Variants in TBC1D2B observed in about 807,000 individuals in gnomAD.
The protein encoded by TBC1D2B is TBC1 domain family, member 2B.
A neutral mutation model predicts 100.8 loss-of-function variants in TBC1D2B; 64 were observed. The ratio of observed to expected loss-of-function variants is 0.64; its 90% CI spans 0.52 to 0.78. The LOEUF (loss-of-function observed/expected upper bound fraction) is 0.78, where lower values mean the gene tolerates loss of function less well. Among genes scored for constraint, TBC1D2B ranks in the 30% least tolerant of loss-of-function variants. The pLI is 0.00. For synonymous variants in TBC1D2B, 480 were observed against 479.7 expected, an observed-to-expected ratio of 1.00 and a Z score of -0.01; for missense variants, 1,052 against 1,218.4, an observed-to-expected ratio of 0.86 and a Z score of 2.03.
At chr15:78,050,883 A>T (rs2073299662) in intron 2 of TBC1D2B, among the ~76,000 whole-genome samples, 1 of 152,152 alleles carries the variant, frequency 6.6e-6, no homozygotes, top group South Asian at 2.1e-4. Context: ...TTACTTATAG[A>T]CCTTGGTTTT....
chr15:78,061,362 G>A (rs777927095), intron 1 of TBC1D2B, among the ~76,000 whole-genome samples: 3 of 151,698 alleles, frequency 2.0e-5, no homozygotes, highest in African/African-American at 4.8e-5. Flanking sequence ...CGCTTGAACC[G>A]AGGAGTTCAA....
At chr15:78,021,670 A>G (rs1210791759) in intron 6 of TBC1D2B, among the ~76,000 whole-genome samples, 1 of 152,236 alleles carries the variant, frequency 6.6e-6, no homozygotes, top group African/African-American at 2.4e-5. Context: ...TTGCCTCTTC[A>G]TCGTCTGTCG....
chr15:78,073,705 C>CT (rs1326215332), intron 1 of TBC1D2B, among the ~76,000 whole-genome samples: 1 of 152,124 alleles, frequency 6.6e-6, no homozygotes, highest in Non-Finnish European at 1.5e-5. Context: ...GGTGCGGTGG[C>CT]TCATATCTGT....
chr15:78,065,988 C>G (rs185047113), intron 1 of TBC1D2B: 20 of 470,974 alleles, frequency 4.2e-5, no homozygotes, highest in Admixed American at 1.4e-4. Flanking sequence ...TTACCCACTT[C>G]TCTCTGGTGA....
chr15:78,025,443 T>A lies in TBC1D2B; in HGVS notation c.902A>T (p.Lys301Met), dbSNP rs1206157906. The A allele has an allele frequency of 6.2e-7, 1 of 1,613,844 alleles. No homozygotes were observed. Among genetic ancestry groups the A allele is most frequent in the Non-Finnish European group, 8.5e-7 (1 of 1,179,892 alleles). Residue 301 changes from lysine to methionine, a missense_variant, in exon 5 of 13, where the codon AAG becomes ATG. Lys to Met is a moderately conservative substitution (Grantham distance 95). Transcript: ENST00000300584. Reference sequence around the variant, plus strand: ...CCCAATTATGTCTTTCAAAGGGCGCTTTCCTTTGTAGGGGTTACGTCCAAA... The same window carrying A: ...CCCAATTATGTCTTTCAAAGGGCGCATTCCTTTGTAGGGGTTACGTCCAAA... ...FDFGRNPYKG[K>M]RPLKDIIGSY...
intron 3 of TBC1D2B, among the ~76,000 whole-genome samples, chr15:78,030,567 C>T (rs1207349617): frequency 6.6e-6 from 1 of 152,054 alleles, no homozygotes; most frequent in African/African-American, 2.4e-5. Flanking sequence ...ACCTCGGCCT[C>T]CCAAAGTGCT....
intron 3 of TBC1D2B, among the ~76,000 whole-genome samples, chr15:78,044,092 C>G (rs549539836): frequency 6.6e-6 from 1 of 150,514 alleles, no homozygotes; most frequent in South Asian, 2.1e-4. Context: ...GAGTTGCCTA[C>G]GGCTGAGGGT....
At chr15:78,028,520 C>T (rs918690159) in intron 4 of TBC1D2B, among the ~76,000 whole-genome samples, 5 of 152,162 alleles carry the variant, frequency 3.3e-5, no homozygotes. Flanking sequence ...TTAAAAGCAT[C>T]AGGCAAAAAG....
chr15:77,999,118 G>A (rs895094736), intron 12 of TBC1D2B: 16 of 350,192 alleles, frequency 4.6e-5, no homozygotes, highest in Non-Finnish European at 4.6e-5. Flanking sequence ...CCAGTTCCTA[G>A]GGCCACCTTC....
chr15:78,040,855 G>GAAGAAAGGAAGAAAGAAAGA (rs1567026171), intron 3 of TBC1D2B, among the ~76,000 whole-genome samples: 2 of 74,740 alleles, frequency 2.7e-5, no homozygotes, highest in African/African-American at 4.5e-5. Flanking sequence ...AGAAAGAAAG[G>GAAGAAAGGAAGAAAGAAAGA]AAGAAAGAAA....
At chr15:78,048,863 G>C (rs2073253916) in intron 2 of TBC1D2B, among the ~76,000 whole-genome samples, 1 of 152,202 alleles carries the variant, frequency 6.6e-6, no homozygotes, top group Non-Finnish European at 1.5e-5. Context: ...AGCAACCTCT[G>C]CAGAGCACAG....
At chr15:78,010,550 G>T (rs977056004) in intron 9 of TBC1D2B, among the ~76,000 whole-genome samples, 9 of 152,024 alleles carry the variant, frequency 5.9e-5, no homozygotes, top group African/African-American at 2.2e-4. Context: ...TGCAGGGATG[G>T]GATGGAAAGG....
chr15:78,038,872 C>T (rs543737639), intron 3 of TBC1D2B, among the ~76,000 whole-genome samples: 15 of 152,318 alleles, frequency 9.8e-5, no homozygotes, highest in East Asian at 5.8e-4. Context: ...ACCGATGGCC[C>T]TTCTGATATG....
chr15:78,020,137 C>A (rs1239054406), intron 6 of TBC1D2B, among the ~76,000 whole-genome samples: 3 of 152,152 alleles, frequency 2.0e-5, no homozygotes, highest in Non-Finnish European at 4.4e-5. Context: ...CTTGCCTCGG[C>A]CTCCCAAAGC....
intron 3 of TBC1D2B, among the ~76,000 whole-genome samples, chr15:78,038,317 A>G (rs2072996932): frequency 6.6e-6 from 1 of 152,220 alleles, no homozygotes; most frequent in African/African-American, 2.4e-5. Flanking sequence ...GCTATGAAGG[A>G]GAAGCACGGC....
intron 10 of TBC1D2B, among the ~76,000 whole-genome samples, chr15:78,006,500 G>A (rs1394620288): frequency 4.6e-5 from 7 of 152,258 alleles, no homozygotes; most frequent in Non-Finnish European, 1.0e-4. Flanking sequence ...CCTGAAGGGG[G>A]CAGCTGTGGC....
chr15:78,034,877 C>T (rs1361614878), intron 3 of TBC1D2B: 1 of 277,580 alleles, frequency 3.6e-6, no homozygotes, highest in Non-Finnish European at 5.5e-6. Flanking sequence ...CATTACAGTG[C>T]AGACTTCTCA....
Position 78,024,333 on chromosome 15 carries a change from G to A in TBC1D2B, c.1293C>T (p.Ser431=), listed in dbSNP as rs147034897. The A allele has an allele frequency of 2.5e-6, 4 of 1,613,932 alleles. No homozygotes were observed. Among genetic ancestry groups the A allele is most frequent in the Non-Finnish European group, 1.7e-6 (2 of 1,179,908 alleles). ...GCTGCTCGTTGAGCTCGCCCACTTTGCTCTTCAGCGTCCTTACTTCCTGCT... is the reference window on the plus strand; with the variant it reads ...GCTGCTCGTTGAGCTCGCCCACTTTACTCTTCAGCGTCCTTACTTCCTGCT... ...SLQQEVRTLK[S]KVGELNEQLG... The change falls in exon 6 of 13, where the codon AGC becomes AGT. Residue 431 remains serine, a synonymous_variant. Coordinates refer to ENST00000300584, the MANE Select transcript of TBC1D2B (RefSeq NM_144572.2).
chr15:78,029,565 TACAATAATAATCCAGCTG>T (rs2072757166), intron 4 of TBC1D2B, among the ~76,000 whole-genome samples: 2 of 152,350 alleles, frequency 1.3e-5, no homozygotes, highest in South Asian at 4.1e-4. Context: ...GATTAATGCC[TACAATAATAATCCAGCTG>T]ACAGTGGGTG....
Sources: allele counts gnomAD v4.1 joint callset (sites outside exome capture counted in the v4.1 genomes callset), GRCh38; gene constraint gnomAD v4.1.1; transcripts MANE v1.5; gene names NCBI Gene and HGNC (gene_info 2026-07-23, HGNC 2026-07-21).